Variants in NEK4 observed in about 807,000 individuals in gnomAD.
NEK4 encodes NIMA related kinase 4.
NEK4 carries 86 observed loss-of-function variants against 98.4 expected under a neutral mutation model. The ratio of observed to expected loss-of-function variants is 0.87; its 90% confidence interval spans 0.73 to 1.05. The LOEUF (loss-of-function observed/expected upper bound fraction) is 1.05. Ranked by LOEUF, NEK4 falls within the 50% of genes least tolerant of loss-of-function variation. The pLI, the probability that NEK4 is intolerant of heterozygous loss-of-function variation, is 0.00. For missense variants in NEK4, 898 were observed against 950.3 expected, an observed-to-expected ratio of 0.94 and a Z score of 0.72; for synonymous variants, 328 against 342.2, an observed-to-expected ratio of 0.96 and a Z score of 0.46.
chr3:52,744,695 AAAAAG>A (rs2097392871), intron 10 of NEK4, among the ~76,000 whole-genome samples: 1 of 150,848 alleles, frequency 6.6e-6, no homozygotes, highest in Non-Finnish European at 1.5e-5. Flanking sequence ...AAAAAAAAAA[AAAAAG>A]AAAAAGGTCT....
intron 7 of NEK4, among the ~76,000 whole-genome samples, chr3:52,750,118 A>AAATATATGTCC (rs1252162251): frequency 2.6e-5 from 4 of 152,240 alleles, no homozygotes; most frequent in Non-Finnish European, 5.9e-5. Context: ...ACAGAACTGA[A>AAATATATGTCC]AATATATGTC....
At chr3:52,756,419 G>T (rs1243048832) in intron 6 of NEK4, among the ~76,000 whole-genome samples, 1 of 152,146 alleles carries the variant, frequency 6.6e-6, no homozygotes, top group African/African-American at 2.4e-5. Flanking sequence ...GAAACCAATG[G>T]AACAGAATGG....
intron 15 of NEK4, among the ~76,000 whole-genome samples, chr3:52,722,400 G>A (rs1273399345): frequency 6.6e-6 from 1 of 152,192 alleles, no homozygotes; most frequent in African/African-American, 2.4e-5. Flanking sequence ...GCCAGCCAGA[G>A]GTCCCTGGCT....
intron 6 of NEK4, among the ~76,000 whole-genome samples, chr3:52,756,380 T>TA (rs2097415168): frequency 6.6e-6 from 1 of 152,300 alleles, no homozygotes; most frequent in East Asian, 1.9e-4. Flanking sequence ...AACAGTGTAG[T>TA]ATTAGTATAA....
chr3:52,751,490 G>A (rs1377656235), intron 7 of NEK4, among the ~76,000 whole-genome samples: 9 of 149,876 alleles, frequency 6.0e-5, no homozygotes, highest in African/African-American at 2.0e-4. Context: ...GCGTGGTGGC[G>A]CATGCCTGTA....
chr3:52,765,361 A>C (rs1698517923), intron 4 of NEK4, among the ~76,000 whole-genome samples: 1 of 152,058 alleles, frequency 6.6e-6, no homozygotes, highest in East Asian at 1.9e-4. Context: ...CAAAAAAAAA[A>C]AAACAAAAAA....
chr3:52,742,629 G>T (rs1228384906), intron 12 of NEK4, among the ~76,000 whole-genome samples: 1 of 151,994 alleles, frequency 6.6e-6, no homozygotes, highest in African/African-American at 2.4e-5. Context: ...TCATCTACAG[G>T]CAAGAAGGTA....
rs113557128 is a variant in NEK4 at position 52,752,060 on chromosome 3, T to C, written c.1240A>G (p.Asn414Asp). ...SQVEEEMLQD[N>D]TKSSAQPENL... ...TCAGGCTGGGCACTGGATTTAGTGT[T>C]GTCCTGCAGCATCTCCTCTTCCACT... The change falls in exon 7 of 16, where the codon AAC (asparagine) becomes GAC (aspartate). Residue 414 changes from asparagine to aspartate, a missense_variant. Transcript: ENST00000233027. 4.4e-5 allele frequency: 71 copies of C among 1,614,254 alleles called. 3 individuals carry two copies. The Middle Eastern group carries it at 4.9e-4, about 11-fold the overall frequency.
At chr3:52,749,999 G>A (rs1320255929) in intron 7 of NEK4, among the ~76,000 whole-genome samples, 170 bp from the exon 8 acceptor site, 1 of 152,184 alleles carries the variant, frequency 6.6e-6, no homozygotes, top group Non-Finnish European at 1.5e-5. Flanking sequence ...ATTGCTGGCA[G>A]AAATAAAATT....
intron 7 of NEK4, among the ~76,000 whole-genome samples, chr3:52,751,387 C>T (rs370460946): frequency 1.3e-5 from 2 of 149,980 alleles, no homozygotes; most frequent in Non-Finnish European, 2.9e-5. Flanking sequence ...ACCCGGGAGG[C>T]GGAGGTTGCA....
At chr3:52,752,933 T>TACACACACAC (rs71087017) in intron 6 of NEK4, among the ~76,000 whole-genome samples, 810 of 73,396 alleles carry the variant, frequency 0.011, 3 homozygotes, top group East Asian at 0.022. Flanking sequence ...TATATATATA[T>TACACACACAC]ACACACACAC....
chr3:52,748,581 C>CA lies in NEK4; in HGVS notation c.1506+1110dup, dbSNP rs556643299. Among the ~76,000 whole-genome samples, 831 of 152,232 alleles carry CA rather than the reference C, an allele frequency of 5.5e-3. 13 individuals carry two copies. The South Asian group carries it at 0.066, about 12-fold the overall frequency. On this transcript the variant is annotated intron_variant, in intron 8 of 15. Coordinates refer to ENST00000233027, the MANE Select transcript of NEK4 (RefSeq NM_003157.6). ...ACAAATTTATTTCCCAAGTAAACAT[C>CA]AGTTATTTGGATGTACCCTAAAAAG... is the stretch of plus-strand genomic sequence containing the variant.
At chr3:52,727,976 T>C (rs2097366111) in intron 15 of NEK4, among the ~76,000 whole-genome samples, 1 of 152,236 alleles carries the variant, frequency 6.6e-6, no homozygotes, top group South Asian at 2.1e-4. Context: ...CCAATGACTG[T>C]AATCTCAGCA....
At chr3:52,755,717 A>C (rs929798991) in intron 6 of NEK4, among the ~76,000 whole-genome samples, 2 of 152,170 alleles carry the variant, frequency 1.3e-5, no homozygotes, top group African/African-American at 4.8e-5. Flanking sequence ...AAAAAAAATA[A>C]AAGGCATCAA....
At chr3:52,728,374 G>C (rs75333268) in intron 15 of NEK4, among the ~76,000 whole-genome samples, 1,561 of 152,258 alleles carry the variant, frequency 0.01, 29 homozygotes, top group African/African-American at 0.036. Flanking sequence ...CTGAACAGAG[G>C]GACTGACTGG....
intron 6 of NEK4, among the ~76,000 whole-genome samples, chr3:52,756,427 T>C (rs879426708): frequency 2.6e-5 from 4 of 152,186 alleles, no homozygotes; most frequent in Non-Finnish European, 5.9e-5. Context: ...TGGAACAGAA[T>C]GGGGAACCCA....
Position 52,766,203 on chromosome 3 carries a change from A to G in NEK4, c.533T>C (p.Phe178Ser). Residue 178 changes from phenylalanine (F) to serine (S), a missense_variant, in exon 3 of 16, where the codon TTC becomes TCC. Transcript: ENST00000233027. ...GTPYYMSPEL[F>S]SNKPYNYKSD... ...CTTATAGTTGTAGGGTTTGTTTGAG[A>G]ACAATTCAGGGCTCATGTAGTAGGG... 1 of 1,614,164 alleles carries G rather than the reference A, an allele frequency of 6.2e-7. No individual in the cohort carries two copies. Among genetic ancestry groups the G allele is most frequent in the Non-Finnish European group, 8.5e-7 (1 of 1,180,016 alleles).
intron 1 of NEK4, among the ~76,000 whole-genome samples, chr3:52,769,725 T>A (rs1698708959): frequency 6.6e-6 from 1 of 152,244 alleles, no homozygotes; most frequent in Non-Finnish European, 1.5e-5. Flanking sequence ...AGTCCTACTG[T>A]CCTGGTGTAA....
chr3:52,765,290 G>C (rs1346511480), intron 4 of NEK4, among the ~76,000 whole-genome samples: 3 of 151,202 alleles, frequency 2.0e-5, no homozygotes, highest in Non-Finnish European at 4.4e-5. Flanking sequence ...GGTAGAGGTT[G>C]CTGTGAGCTG....
Sources: allele counts gnomAD v4.1 joint callset (sites outside exome capture counted in the v4.1 genomes callset), GRCh38; gene constraint gnomAD v4.1.1; transcripts MANE v1.5; gene names NCBI Gene and HGNC (gene_info 2026-07-23, HGNC 2026-07-21).